Variants in FBXW7 observed in about 807,000 individuals in gnomAD.
FBXW7 encodes the protein F-box/WD repeat-containing protein 7.
In FBXW7, 11 loss-of-function variants were observed where a neutral mutation model predicts 86.3. The ratio of observed to expected loss-of-function variants is 0.13; its 90% CI spans 0.08 to 0.21. FBXW7 has a LOEUF of 0.21. FBXW7 is among the 10% of genes least tolerant of loss of function. FBXW7 has a pLI of 1.00. For missense variants in FBXW7, 488 were observed against 847.4 expected, an observed-to-expected ratio of 0.58 and a Z score of 5.27; for synonymous variants, 313 against 297.9, an observed-to-expected ratio of 1.05 and a Z score of -0.52.
intron 2 of FBXW7, among the ~76,000 whole-genome samples, chr4:152,501,855 G>C (rs1321307159): frequency 6.6e-6 from 1 of 152,074 alleles, no homozygotes; most frequent in East Asian, 1.9e-4. Context: ...GTAACATACA[G>C]GCAAGCTATG....
intron 7 of FBXW7, among the ~76,000 whole-genome samples, chr4:152,336,493 G>A (rs542248834): frequency 5.9e-5 from 9 of 152,042 alleles, no homozygotes; most frequent in Middle Eastern, 3.4e-3. Context: ...TCTAAAATAC[G>A]GAGGATATCA....
At chr4:152,402,304 C>T (rs1371430026) in intron 4 of FBXW7, among the ~76,000 whole-genome samples, 4 of 151,876 alleles carry the variant, frequency 2.6e-5, no homozygotes, top group African/African-American at 4.8e-5. Context: ...TATCAGGGTA[C>T]CTGATAACAC....
intron 2 of FBXW7, among the ~76,000 whole-genome samples, chr4:152,439,859 C>T (rs1740721422): frequency 7.0e-6 from 1 of 142,662 alleles, no homozygotes; most frequent in Admixed American, 7.1e-5. Context: ...GAGCAAGACT[C>T]CGTCACAAAA....
chr4:152,535,508 T>C lies in FBXW7; in HGVS notation c.-594A>G. 5.1e-6 allele frequency: 2 copies of C among 393,992 alleles called. No homozygotes were observed. The highest frequency in any genetic ancestry group is 9.0e-6 in the Non-Finnish European group (2 of 223,402). The allele number at this position is 393,992 out of a possible 1,614,324, so 24.4% of individuals were successfully genotyped here. Reference sequence around the variant, plus strand: ...CCCGCCCCCCCGGCCGGGGGGTGGTTGCCGAGCTTGGTTGGGGCCCCGGTT... The same window carrying C: ...CCCGCCCCCCCGGCCGGGGGGTGGTCGCCGAGCTTGGTTGGGGCCCCGGTT... On this transcript the variant is annotated 5_prime_UTR_variant, in exon 1 of 14. Transcript: ENST00000281708.
At chr4:152,400,210 T>C (rs1209291298) in intron 4 of FBXW7, among the ~76,000 whole-genome samples, 2 of 152,198 alleles carry the variant, frequency 1.3e-5, no homozygotes, top group Non-Finnish European at 2.9e-5. Flanking sequence ...CCGCAAATGG[T>C]GCTGAACCAC....
intron 2 of FBXW7, among the ~76,000 whole-genome samples, chr4:152,436,946 A>G (rs1227158058): frequency 6.6e-6 from 1 of 152,210 alleles, no homozygotes; most frequent in Non-Finnish European, 1.5e-5. Context: ...GGAGATGTAC[A>G]TGGAGATTCA....
At chr4:152,348,165 T>C (rs901303529) in intron 5 of FBXW7, among the ~76,000 whole-genome samples, 5 of 151,962 alleles carry the variant, frequency 3.3e-5, no homozygotes, top group African/African-American at 2.4e-5. Context: ...CTATCCAGCA[T>C]TATTTTGTTA....
chr4:152,505,944 T>C (rs1747377914), intron 2 of FBXW7, among the ~76,000 whole-genome samples: 1 of 151,946 alleles, frequency 6.6e-6, no homozygotes, highest in Non-Finnish European at 1.5e-5. Flanking sequence ...TTTTGCGATG[T>C]TGGCCAGGCT....
intron 2 of FBXW7, among the ~76,000 whole-genome samples, chr4:152,524,576 G>A (rs1749322802): frequency 6.6e-6 from 1 of 152,056 alleles, no homozygotes; most frequent in African/African-American, 2.4e-5. Flanking sequence ...ATAACAAGTG[G>A]TAACACCTCA....
chr4:152,328,517 C>T (rs758768546), intron 10 of FBXW7, 128 bp from the exon 11 acceptor site: 17 of 568,254 alleles, frequency 3.0e-5, no homozygotes, highest in Non-Finnish European at 4.7e-5. Context: ...GAAAATATTA[C>T]ATCCGTATAA....
intron 8 of FBXW7, among the ~76,000 whole-genome samples, chr4:152,331,331 A>C (rs1455087645): frequency 6.6e-6 from 1 of 152,106 alleles, no homozygotes; most frequent in African/African-American, 2.4e-5. Flanking sequence ...CAAGCAATCC[A>C]AGGGTCCATC....
chr4:152,398,264 C>A, intron 4 of FBXW7, among the ~76,000 whole-genome samples: 1 of 151,554 alleles, frequency 6.6e-6, no homozygotes, highest in South Asian at 2.1e-4. Context: ...CTATATGGCC[C>A]TCTAGTGTTC....
At chr4:152,331,038 T>C (rs1235169939) in intron 8 of FBXW7, among the ~76,000 whole-genome samples, 170 bp from the exon 9 acceptor site, 3 of 152,038 alleles carry the variant, frequency 2.0e-5, no homozygotes, top group Admixed American at 6.6e-5. Context: ...AGCAATAATG[T>C]AAAGTTTACA....
chr4:152,505,486 T>C (rs967868170), intron 2 of FBXW7, among the ~76,000 whole-genome samples: 8 of 152,224 alleles, frequency 5.3e-5, no homozygotes, highest in African/African-American at 1.9e-4. Context: ...TCTTTCCTTA[T>C]ATCCTTATTT....
chr4:152,520,597 G>A (rs1488907718), intron 2 of FBXW7, among the ~76,000 whole-genome samples: 1 of 152,078 alleles, frequency 6.6e-6, no homozygotes, highest in Non-Finnish European at 1.5e-5. Flanking sequence ...GGGCCCAAAT[G>A]TGCAAAGGGG....
At chr4:152,513,642 G>C (rs954577499) in intron 2 of FBXW7, among the ~76,000 whole-genome samples, 4 of 152,236 alleles carry the variant, frequency 2.6e-5, no homozygotes, top group Admixed American at 2.6e-4. Flanking sequence ...CTGAGGAAGT[G>C]AGGACAATTT....
At chr4:152,478,794 C>A (rs1222045138) in intron 2 of FBXW7, among the ~76,000 whole-genome samples, 1 of 152,100 alleles carries the variant, frequency 6.6e-6, no homozygotes, top group Non-Finnish European at 1.5e-5. Flanking sequence ...TTGCATTTCT[C>A]TAATGACTAC....
At chr4:152,431,255 C>T (rs1239231580) in intron 2 of FBXW7, among the ~76,000 whole-genome samples, 3 of 152,158 alleles carry the variant, frequency 2.0e-5, no homozygotes, top group Non-Finnish European at 2.9e-5. Context: ...AGTTTAGTTA[C>T]AGATCTAACT....
intron 4 of FBXW7, among the ~76,000 whole-genome samples, chr4:152,361,458 A>G (rs551502551): frequency 2.0e-5 from 3 of 152,198 alleles, no homozygotes; most frequent in Non-Finnish European, 4.4e-5. Flanking sequence ...AAGACTCTGA[A>G]GGTCAATAAA....
Sources: allele counts gnomAD v4.1 joint callset (sites outside exome capture counted in the v4.1 genomes callset), GRCh38; gene constraint gnomAD v4.1.1; transcripts MANE v1.5; gene names NCBI Gene and HGNC (gene_info 2026-07-23, HGNC 2026-07-21).